The following TAFA2 variants were observed in gnomAD, a reference collection of about 807,000 sequenced individuals.
TAFA2 encodes the protein chemokine-like protein TAFA-2.
Under a neutral mutation model 18.8 loss-of-function variants are expected in TAFA2, and 7 were observed. That is an observed-to-expected ratio of 0.37 (90% CI 0.21 to 0.70). The LOEUF (loss-of-function observed/expected upper bound fraction) is 0.70. Ranked by LOEUF, TAFA2 falls within the 30% of genes least tolerant of loss-of-function variation. The probability of loss-of-function intolerance (pLI) is 0.53; values close to 1 mark genes in which losing one functional copy is unlikely to be tolerated. For missense variants in TAFA2, 122 were observed against 158.1 expected, an observed-to-expected ratio of 0.77 and a Z score of 1.23; for synonymous variants, 60 against 54.2, an observed-to-expected ratio of 1.11 and a Z score of -0.47.
intron 2 of TAFA2, among the ~76,000 whole-genome samples, chr12:61,786,442 C>T (rs1157362785): frequency 6.6e-6 from 1 of 151,398 alleles, no homozygotes; most frequent in Admixed American, 6.6e-5. Flanking sequence ...TCAAAAATGA[C>T]CAGCCACGCA....
intron 1 of TAFA2, among the ~76,000 whole-genome samples, chr12:62,002,655 C>T (rs1363337250): frequency 6.6e-6 from 1 of 152,158 alleles, no homozygotes; most frequent in Non-Finnish European, 1.5e-5. Flanking sequence ...AACACAACCC[C>T]TATCTTAATT....
intron 2 of TAFA2, among the ~76,000 whole-genome samples, chr12:61,855,917 A>G (rs1454124398): frequency 4.6e-5 from 7 of 152,130 alleles, no homozygotes. Context: ...AGATAAAAGC[A>G]TCAAAGACAA....
chr12:62,035,243 A>C (rs1399983818), intron 1 of TAFA2, among the ~76,000 whole-genome samples: 1 of 152,238 alleles, frequency 6.6e-6, no homozygotes. Context: ...ACAAAGCACT[A>C]TGCTGGCCAC....
At position 62,244,237 on chromosome 12, in the gene TAFA2, CTT is replaced by C. The variant is rs35569192; in HGVS notation, c.-130+14524_-130+14525del. The stretch of plus-strand genomic sequence containing the variant: ...TGTTATTTGGGGGTGTTTCTTTTGT[CTT>C]TTTTTTTTTTTTTGCATAATGTTTT... On this transcript the variant is annotated intron_variant, in intron 1 of 5. Transcript: ENST00000551619. 1.5e-3 allele frequency among the ~76,000 whole-genome samples: 195 copies of C among 134,216 alleles called. No homozygotes were observed. In the East Asian group the frequency reaches 0.016, roughly 11 times the overall value. The allele number at this position is 134,216 out of a possible 152,430, so 88.1% of individuals were successfully genotyped here.
chr12:61,795,826 A>G (rs1871166537), intron 2 of TAFA2, among the ~76,000 whole-genome samples: 1 of 152,000 alleles, frequency 6.6e-6, no homozygotes, highest in East Asian at 1.9e-4. Context: ...AGCTAGAATA[A>G]TCAAGACTTA....
chr12:62,246,891 A>G (rs2062888896), intron 1 of TAFA2, among the ~76,000 whole-genome samples: 1 of 152,058 alleles, frequency 6.6e-6, no homozygotes, highest in Non-Finnish European at 1.5e-5. Flanking sequence ...TCTGTCTTTA[A>G]GATGCCTCTT....
rs188799237 is a variant in TAFA2 at position 61,886,478 on chromosome 12, C to T, written c.-1-19052G>A. Among the ~76,000 whole-genome samples, 34 of 152,304 alleles carry T rather than the reference C, an allele frequency of 2.2e-4. No homozygotes were observed. The South Asian group carries it at 2.5e-3, about 11-fold the overall frequency. ...TCACACTGATTTCCCACTTGTATCC[C>T]TCCTGCCCTCCATAAGAATACTCTG... On this transcript the variant is annotated intron_variant, in intron 1 of 4. Transcript: ENST00000416284.
At chr12:62,255,802 G>A (rs1202729516) in intron 1 of TAFA2, among the ~76,000 whole-genome samples, 4 of 151,818 alleles carry the variant, frequency 2.6e-5, no homozygotes, top group Non-Finnish European at 2.9e-5. Context: ...TGCAGTGAGC[G>A]GAGATCATAC....
chr12:62,128,071 A>G (rs1011949729), intron 1 of TAFA2, among the ~76,000 whole-genome samples: 2 of 151,986 alleles, frequency 1.3e-5, no homozygotes. Flanking sequence ...GTGGAAAATA[A>G]TGTGTTTTAT....
chr12:61,780,460 CAGCATTTACTTT>C (rs1870456550), intron 2 of TAFA2, among the ~76,000 whole-genome samples: 2 of 151,970 alleles, frequency 1.3e-5, no homozygotes, highest in South Asian at 4.2e-4. Context: ...TCCTTTCTTA[CAGCATTTACTTT>C]AGAAAACTTG....
At chr12:62,185,853 A>G (rs2062582464) in intron 1 of TAFA2, among the ~76,000 whole-genome samples, 1 of 152,186 alleles carries the variant, frequency 6.6e-6, no homozygotes, top group Non-Finnish European at 1.5e-5. Flanking sequence ...TATTTTAATA[A>G]AGTCTCTTTG....
At chr12:61,913,411 G>A (rs1201923204) in intron 1 of TAFA2, among the ~76,000 whole-genome samples, 1 of 152,128 alleles carries the variant, frequency 6.6e-6, no homozygotes, top group Non-Finnish European at 1.5e-5. Context: ...ATCCCTGAAG[G>A]TAACTTAAAT....
At chr12:61,980,833 C>T (rs1879606901) in intron 1 of TAFA2, among the ~76,000 whole-genome samples, 1 of 152,148 alleles carries the variant, frequency 6.6e-6, no homozygotes, top group Non-Finnish European at 1.5e-5. Flanking sequence ...GAAGAATATC[C>T]TATGCTCATG....
At chr12:61,712,365 C>T (rs7137928) in intron 4 of TAFA2, among the ~76,000 whole-genome samples, 130,118 of 152,130 alleles carry the variant, frequency 0.86, 55,630 homozygotes, top group African/African-American at 0.88. Context: ...CAGCTATTTA[C>T]ATATTAAAAC....
intron 2 of TAFA2, among the ~76,000 whole-genome samples, chr12:61,847,065 C>A (rs1197884084): frequency 6.6e-6 from 1 of 152,188 alleles, no homozygotes; most frequent in Non-Finnish European, 1.5e-5. Flanking sequence ...CGCTACACAG[C>A]AACTATCTCT....
chr12:61,918,287 C>T (rs1271847353), intron 1 of TAFA2, among the ~76,000 whole-genome samples: 2 of 152,166 alleles, frequency 1.3e-5, no homozygotes, highest in South Asian at 4.1e-4. Flanking sequence ...CATTAACCAT[C>T]CCCCCTTTTC....
intron 1 of TAFA2, among the ~76,000 whole-genome samples, chr12:62,198,670 A>G (rs138442128): frequency 3.7e-4 from 57 of 152,288 alleles, no homozygotes; most frequent in African/African-American, 1.3e-3. Flanking sequence ...CTTATCTTTT[A>G]AATGTTTTTT....
intron 1 of TAFA2, among the ~76,000 whole-genome samples, chr12:62,101,340 C>T (rs946165398): frequency 3.3e-5 from 5 of 152,236 alleles, no homozygotes; most frequent in East Asian, 1.9e-4. Context: ...TCTATAGGTG[C>T]TAAGAACTGA....
chr12:62,004,937 A>G (rs1179262465), intron 1 of TAFA2, among the ~76,000 whole-genome samples: 2 of 152,156 alleles, frequency 1.3e-5, no homozygotes, highest in African/African-American at 2.4e-5. Flanking sequence ...CACAAAGAAA[A>G]ATAATGTATG....
Sources: allele counts gnomAD v4.1 joint callset (sites outside exome capture counted in the v4.1 genomes callset), GRCh38; gene constraint gnomAD v4.1.1; transcripts MANE v1.5; gene names NCBI Gene and HGNC (gene_info 2026-07-23, HGNC 2026-07-21).